The following LEKR1 variants were observed in gnomAD, a reference collection of about 807,000 sequenced individuals.
LEKR1 encodes leucine, glutamate and lysine rich 1.
In LEKR1, 59 loss-of-function variants were observed where a neutral mutation model predicts 72.4. The observed-to-expected ratio is 0.82, with a 90% CI of 0.66 to 1.01. The LOEUF is 1.01. LEKR1 is among the 50% of genes least tolerant of loss of function. LEKR1 has a pLI of 0.00. For missense variants in LEKR1, 728 were observed against 759.2 expected (o/e 0.96, Z 0.48); for synonymous variants, 257 against 263.2 (o/e 0.98, Z 0.23).
intron 7 of LEKR1, among the ~76,000 whole-genome samples, chr3:156,983,351 T>G (rs1730398927): frequency 6.6e-6 from 1 of 152,144 alleles, no homozygotes; most frequent in Non-Finnish European, 1.5e-5. Context: ...ATCATTGAAA[T>G]AGTGGTTGTC....
At chr3:156,891,614 G>C (rs62275251) in intron 3 of LEKR1, among the ~76,000 whole-genome samples, 4,849 of 152,270 alleles carry the variant, frequency 0.032, 118 homozygotes, top group Non-Finnish European at 0.048. Context: ...ACTGAATGTG[G>C]TTCAGTTTCT....
At chr3:156,872,179 A>G (rs1308346459) in intron 3 of LEKR1, among the ~76,000 whole-genome samples, 1 of 151,286 alleles carries the variant, frequency 6.6e-6, no homozygotes, top group African/African-American at 2.4e-5. Flanking sequence ...GGGAGGTTGT[A>G]TGTGTTCTGA....
In LEKR1 at chr3:157,034,030, C is replaced by T. The variant is rs529704724; in HGVS notation, c.1668+5628C>T. ...GCATGGCTTACTGAATATTTTAAGCCTGTTGATACCTACTGTTCAGAAAAA... is the reference window on the plus strand; with the variant it reads ...GCATGGCTTACTGAATATTTTAAGCTTGTTGATACCTACTGTTCAGAAAAA... On this transcript the variant is annotated intron_variant, in intron 12 of 12. Transcript: ENST00000356539. Among the ~76,000 whole-genome samples, 18 of 147,798 alleles carry T rather than the reference C, an allele frequency of 1.2e-4. No individual in the cohort carries two copies. The South Asian group carries it at 3.6e-3, about 29-fold the overall frequency.
chr3:157,033,291 A>T, intron 12 of LEKR1, among the ~76,000 whole-genome samples: 1 of 152,258 alleles, frequency 6.6e-6, no homozygotes, highest in East Asian at 1.9e-4. Flanking sequence ...AAAAGTTGAG[A>T]TAAGCCAGAA....
intron 5 of LEKR1, among the ~76,000 whole-genome samples, chr3:156,940,905 T>C (rs891507093): frequency 6.6e-6 from 1 of 152,148 alleles, no homozygotes; most frequent in Non-Finnish European, 1.5e-5. Flanking sequence ...CAGTGTCATT[T>C]TGACTTAAAC....
At position 157,021,426 on chromosome 3, in the gene LEKR1, G is replaced by A. The variant is rs575671942; in HGVS notation, c.1204-3334G>A. On this transcript the variant is annotated intron_variant, in intron 10 of 12. Transcript: ENST00000356539. ...TTATGGTTTTAGGTCTAACATTTAA[G>A]TCTTTAATCCATCTTGAATTAATTT... 4.3e-3 allele frequency among the ~76,000 whole-genome samples: 660 copies of A among 152,204 alleles called. 2 individuals are homozygous for A. Among genetic ancestry groups the A allele is most frequent in the African/African-American group, 0.015 (635 of 41,532 alleles).
intron 3 of LEKR1, among the ~76,000 whole-genome samples, chr3:156,896,045 C>T (rs1369487797): frequency 6.6e-6 from 1 of 152,156 alleles, no homozygotes; most frequent in Non-Finnish European, 1.5e-5. Context: ...AGAACAAGAG[C>T]ATGTCCTTTG....
chr3:157,044,065 G>A (rs965508254), intron 12 of LEKR1, among the ~76,000 whole-genome samples: 1 of 152,172 alleles, frequency 6.6e-6, no homozygotes, highest in Non-Finnish European at 1.5e-5. Flanking sequence ...ACTGTCCCTG[G>A]TGCTTTGTTA....
chr3:156,968,510 A>C (rs1468659646), intron 6 of LEKR1, among the ~76,000 whole-genome samples: 1 of 152,230 alleles, frequency 6.6e-6, no homozygotes, highest in Non-Finnish European at 1.5e-5. Flanking sequence ...AAACCAACAA[A>C]GATCAAAAGA....
chr3:156,963,451 A>G (rs979459811), intron 6 of LEKR1, among the ~76,000 whole-genome samples: 2 of 152,186 alleles, frequency 1.3e-5, no homozygotes, highest in African/African-American at 4.8e-5. Context: ...GGCTGACAGC[A>G]TATGAATAAT....
intron 9 of LEKR1, among the ~76,000 whole-genome samples, chr3:156,996,037 G>A (rs1731533599): frequency 1.3e-5 from 2 of 151,960 alleles, no homozygotes; most frequent in Admixed American, 6.6e-5. Context: ...ATGAATGAAT[G>A]GATCACTTTG....
At chr3:156,856,126 T>C (rs1342391432) in intron 3 of LEKR1, among the ~76,000 whole-genome samples, 5 of 152,188 alleles carry the variant, frequency 3.3e-5, no homozygotes, top group African/African-American at 9.6e-5. Context: ...TTAATCTATT[T>C]AGTATTAATT....
chr3:157,032,933 G>C (rs952008401), intron 12 of LEKR1, among the ~76,000 whole-genome samples: 1 of 151,956 alleles, frequency 6.6e-6, no homozygotes, highest in Non-Finnish European at 1.5e-5. Context: ...GGTAATTCTT[G>C]CAATATTTTA....
chr3:156,883,253 C>T (rs548156538), intron 3 of LEKR1, among the ~76,000 whole-genome samples: 1 of 152,166 alleles, frequency 6.6e-6, no homozygotes, highest in Non-Finnish European at 1.5e-5. Context: ...GCCCATTTTC[C>T]CCATTTGGAA....
rs540548960 is a variant in LEKR1, at chr3:157,039,679, T to C, written c.1669-5661T>C. Among the ~76,000 whole-genome samples, 63 of 152,310 alleles carry C rather than the reference T, an allele frequency of 4.1e-4. 1 individual carries two copies. In the South Asian group the frequency reaches 0.011, roughly 26 times the overall value. ...AGCAAAGACGGATTCATGTAAACTC[T>C]AAGATTAAATTTTAATAATACATGG... is the stretch of plus-strand genomic sequence containing the variant. On this transcript the variant is annotated intron_variant, in intron 12 of 12. Transcript: ENST00000356539.
intron 3 of LEKR1, among the ~76,000 whole-genome samples, chr3:156,881,179 A>C (rs1291989756): frequency 6.6e-6 from 1 of 152,112 alleles, no homozygotes; most frequent in Non-Finnish European, 1.5e-5. Context: ...GAAATAAAGG[A>C]TATTCAATTA....
chr3:156,905,853 C>G (rs1722476699), intron 3 of LEKR1, among the ~76,000 whole-genome samples: 1 of 152,142 alleles, frequency 6.6e-6, no homozygotes, highest in Non-Finnish European at 1.5e-5. Context: ...CCAAGACCTC[C>G]TGAAGTACTA....
rs189296232 is a variant in LEKR1, at chr3:157,008,074, T to G, written c.1110-3339T>G. 4.4e-3 allele frequency among the ~76,000 whole-genome samples: 668 copies of G among 152,326 alleles called. 2 individuals are homozygous for G. Among genetic ancestry groups the G allele is most frequent in the African/African-American group, 0.015 (642 of 41,570 alleles). Reference sequence around the variant, plus strand: ...TTTTGCTCTCCTCATTCTTTATTCCTTTCTCTTCACTTCCATTTTTCCAGC... The same window carrying G: ...TTTTGCTCTCCTCATTCTTTATTCCGTTCTCTTCACTTCCATTTTTCCAGC... On this transcript the variant is annotated intron_variant, in intron 9 of 12. Transcript: ENST00000356539.
At chr3:156,948,295 T>G (rs1001778468) in intron 6 of LEKR1, among the ~76,000 whole-genome samples, 1 of 151,236 alleles carries the variant, frequency 6.6e-6, no homozygotes, top group African/African-American at 2.4e-5. Flanking sequence ...TTTTTCCTAT[T>G]TCAATTTTTG....
Sources: gnomAD v4.1 joint callset for allele counts (sites outside exome capture counted in the v4.1 genomes callset) on GRCh38, gnomAD v4.1.1 for gene constraint, MANE v1.5 for transcripts, NCBI Gene and HGNC (gene_info 2026-07-23, HGNC 2026-07-21) for gene names.